Variants in ADAMTSL1 observed in about 807,000 individuals in gnomAD.
ADAMTSL1 encodes ADAMTS like 1, also known as ADAMTS-like protein 1.
A neutral mutation model predicts 201.8 loss-of-function variants in ADAMTSL1; 126 were observed. The ratio of observed to expected loss-of-function variants is 0.62; its 90% CI spans 0.54 to 0.72. ADAMTSL1 has a LOEUF of 0.72. Ranked by LOEUF, ADAMTSL1 falls within the 30% of genes least tolerant of loss-of-function variation. ADAMTSL1 has a pLI of 0.00. For missense variants in ADAMTSL1, 2,679 were observed against 2,277.8 expected (o/e 1.18, Z -3.59); for synonymous variants, 1,121 against 903.4 (o/e 1.24, Z -4.32).
At chr9:18,601,881 A>G (rs1824684682) in intron 4 of ADAMTSL1, among the ~76,000 whole-genome samples, 1 of 152,072 alleles carries the variant, frequency 6.6e-6, no homozygotes, top group African/African-American at 2.4e-5. Flanking sequence ...ATAGTAAAAT[A>G]ATTTGACAGA....
intron 23 of ADAMTSL1, among the ~76,000 whole-genome samples, chr9:18,887,304 G>C (rs1164060356): frequency 6.6e-6 from 1 of 152,138 alleles, no homozygotes; most frequent in Admixed American, 6.5e-5. Flanking sequence ...AGAAGACAAA[G>C]CCTTATGCAG....
intron 2 of ADAMTSL1, among the ~76,000 whole-genome samples, chr9:18,315,868 C>T (rs531936861): frequency 2.0e-4 from 30 of 152,166 alleles, no homozygotes; most frequent in Non-Finnish European, 1.5e-4. Flanking sequence ...GGGCTGCTAG[C>T]ATGTTGTCAC....
chr9:18,379,942 C>T (rs1290826970), intron 2 of ADAMTSL1, among the ~76,000 whole-genome samples: 7 of 152,124 alleles, frequency 4.6e-5, no homozygotes, highest in African/African-American at 1.2e-4. Context: ...TCCCATTCCA[C>T]GGGCATAAAG....
intron 14 of ADAMTSL1, among the ~76,000 whole-genome samples, chr9:18,716,776 G>T (rs1036990151): frequency 7.6e-5 from 11 of 145,316 alleles, no homozygotes; most frequent in African/African-American, 2.8e-4. Flanking sequence ...CTGCTATAAA[G>T]ACACATGCAC....
At chr9:18,140,265 T>C (rs967734558) in intron 1 of ADAMTSL1, among the ~76,000 whole-genome samples, 6 of 152,164 alleles carry the variant, frequency 3.9e-5, no homozygotes, top group Non-Finnish European at 7.3e-5. Flanking sequence ...CTTTATCCTC[T>C]TTGCTGATGG....
chr9:18,833,003 A>C (rs781461000), intron 23 of ADAMTSL1, among the ~76,000 whole-genome samples: 1 of 152,226 alleles, frequency 6.6e-6, no homozygotes, highest in African/African-American at 2.4e-5. Context: ...TGAGATCCCC[A>C]GTAGGTGAGA....
chr9:18,641,755 C>G (rs571248133), intron 7 of ADAMTSL1, among the ~76,000 whole-genome samples: 2 of 151,946 alleles, frequency 1.3e-5, no homozygotes, highest in Admixed American at 1.3e-4. Context: ...TTTCTCTTCC[C>G]TAATTTTCCT....
At chr9:18,682,640 CAA>C (rs565755386) in intron 12 of ADAMTSL1, among the ~76,000 whole-genome samples, 2 of 152,226 alleles carry the variant, frequency 1.3e-5, no homozygotes, top group African/African-American at 4.8e-5. Flanking sequence ...AAGAAAAATT[CAA>C]AGTCACAAAC....
chr9:18,807,337 G>T (rs1823199849), intron 20 of ADAMTSL1, among the ~76,000 whole-genome samples: 1 of 152,076 alleles, frequency 6.6e-6, no homozygotes, highest in Non-Finnish European at 1.5e-5. Flanking sequence ...AAACTAAATG[G>T]CTGTTCACAA....
At chr9:18,269,423 A>G (rs1832269030) in intron 2 of ADAMTSL1, among the ~76,000 whole-genome samples, 2 of 152,186 alleles carry the variant, frequency 1.3e-5, no homozygotes, top group South Asian at 4.1e-4. Context: ...AATAAACTTG[A>G]CACTTTGAGT....
intron 1 of ADAMTSL1, among the ~76,000 whole-genome samples, chr9:18,119,375 C>T (rs1825400760): frequency 6.6e-6 from 1 of 151,964 alleles, no homozygotes; most frequent in South Asian, 2.1e-4. Flanking sequence ...TTACTGCAAA[C>T]TCCGCCTCCC....
intron 20 of ADAMTSL1, among the ~76,000 whole-genome samples, chr9:18,798,586 C>A (rs1333308527): frequency 1.3e-5 from 2 of 152,206 alleles, no homozygotes; most frequent in East Asian, 3.9e-4. Flanking sequence ...CTTTGTAGAG[C>A]AGCTCTCTGA....
intron 9 of ADAMTSL1, among the ~76,000 whole-genome samples, chr9:18,666,970 C>A (rs1221973610): frequency 1.5e-5 from 2 of 136,440 alleles, no homozygotes; most frequent in African/African-American, 5.6e-5. Flanking sequence ...TTTTTTTTGG[C>A]ACAGACCTTT....
intron 4 of ADAMTSL1, among the ~76,000 whole-genome samples, chr9:18,611,350 G>T (rs1222317066): frequency 1.3e-5 from 2 of 152,182 alleles, no homozygotes; most frequent in African/African-American, 4.8e-5. Context: ...AAGCAGGGGA[G>T]GGAGAAGACA....
chr9:18,250,743 G>T (rs1280312311), intron 2 of ADAMTSL1, among the ~76,000 whole-genome samples: 5 of 152,010 alleles, frequency 3.3e-5, no homozygotes, highest in Non-Finnish European at 7.4e-5. Flanking sequence ...TGGGAAGCTG[G>T]GGATACAGTG....
At position 18,049,894 on chromosome 9, in the gene ADAMTSL1, A is replaced by G. The variant is rs60547025; in HGVS notation, c.88-113968A>G. Among the ~76,000 whole-genome samples, 992 of 152,234 alleles carry G rather than the reference A, an allele frequency of 6.5e-3. 15 individuals carry two copies. Among genetic ancestry groups the G allele is most frequent in the African/African-American group, 0.023 (952 of 41,556 alleles). On this transcript the variant is annotated intron_variant, in intron 1 of 29. Coordinates refer to the ADAMTSL1 transcript ENST00000680146. ...TGCTTCGGCCTCCCAAAGTGCTGGGATTACAGGTGTGAGCCACCGTGCCCG... is the reference window on the plus strand; with the variant it reads ...TGCTTCGGCCTCCCAAAGTGCTGGGGTTACAGGTGTGAGCCACCGTGCCCG...
intron 5 of ADAMTSL1, among the ~76,000 whole-genome samples, chr9:18,628,483 G>A (rs1826538748): frequency 6.6e-6 from 1 of 152,066 alleles, no homozygotes; most frequent in African/African-American, 2.4e-5. Flanking sequence ...GTGGCTTTAA[G>A]GTAAATCTTA....
chr9:18,073,219 A>G (rs140185282), intron 1 of ADAMTSL1, among the ~76,000 whole-genome samples: 122 of 152,290 alleles, frequency 8.0e-4, no homozygotes, highest in African/African-American at 2.7e-3. Flanking sequence ...AGTAACCCCC[A>G]AAGTGCATGA....
intron 2 of ADAMTSL1, among the ~76,000 whole-genome samples, chr9:18,168,394 T>C (rs1415116755): frequency 6.8e-6 from 1 of 147,296 alleles, no homozygotes; most frequent in Non-Finnish European, 1.5e-5. Context: ...TTTGTCCTTG[T>C]GATAGTTTGC....
Sources: allele counts gnomAD v4.1 joint callset (sites outside exome capture counted in the v4.1 genomes callset), GRCh38; gene constraint gnomAD v4.1.1; transcripts MANE v1.5; gene names NCBI Gene and HGNC (gene_info 2026-07-23, HGNC 2026-07-21).